Variants in LIMCH1 observed in about 807,000 individuals in gnomAD.
LIMCH1 encodes the protein LIM and calponin homology domains 1, also known as LIM and calponin homology domains-containing protein 1.
In LIMCH1, 113 loss-of-function variants were observed where a neutral mutation model predicts 176.5. The observed-to-expected ratio is 0.64, with a 90% confidence interval of 0.55 to 0.75. The LOEUF (loss-of-function observed/expected upper bound fraction) is 0.75. LIMCH1 is among the 30% of genes least tolerant of loss of function. LIMCH1 has a pLI of 0.00. For synonymous variants in LIMCH1, 619 were observed against 645.9 expected (o/e 0.96, Z 0.63); for missense variants, 1,674 against 1,814.9 (o/e 0.92, Z 1.41).
At chr4:41,374,386 A>G (rs1378710070) in intron 1 of LIMCH1, among the ~76,000 whole-genome samples, 1 of 152,116 alleles carries the variant, frequency 6.6e-6, no homozygotes, top group Admixed American at 6.5e-5. Flanking sequence ...CAAACCCCAC[A>G]TTCTAATGCA....
At position 41,508,965 on chromosome 4, in the gene LIMCH1, C is replaced by T. The variant is rs1402835197; in HGVS notation, c.167+14359C>T. Among the ~76,000 whole-genome samples, 3 of 152,272 alleles carry T rather than the reference C, an allele frequency of 2.0e-5. No individual in the cohort carries two copies. The South Asian group carries it at 6.2e-4, about 32-fold the overall frequency. The stretch of plus-strand genomic sequence containing the variant: ...CATTCCAACAGCTATTGTTAGAGAC[C>T]TTGTGTAATATAAAGTACACATGCA... On this transcript the variant is annotated intron_variant, in intron 2 of 26. Coordinates refer to the LIMCH1 transcript ENST00000313860.
intron 1 of LIMCH1, among the ~76,000 whole-genome samples, chr4:41,422,294 T>C (rs2154131586): frequency 6.6e-6 from 1 of 152,188 alleles, no homozygotes; most frequent in East Asian, 1.9e-4. Flanking sequence ...TTCAAGCGAT[T>C]CTTGTGCCTC....
Position 41,629,864 on chromosome 4 carries a change from G to A in LIMCH1, c.1271+130G>A, listed in dbSNP as rs2093215783. The A allele has an allele frequency of 9.1e-6, 10 of 1,097,810 alleles. No homozygotes were observed. The South Asian group carries it at 1.3e-4, about 15-fold the overall frequency. 68.0% of individuals were successfully genotyped at this position (1,097,810 alleles called of 1,614,324 possible). ...GCTCTGTTGCCCAGGCTGGAATATA[G>A]TGGCTTGATCACAGTTCACTGTACC... On this transcript the variant is annotated intron_variant, in intron 9 of 31. Transcript: ENST00000503057.
intron 1 of LIMCH1, among the ~76,000 whole-genome samples, chr4:41,365,227 A>G (rs894641317): frequency 1.3e-5 from 2 of 152,178 alleles, no homozygotes; most frequent in Admixed American, 6.5e-5. Context: ...GATGAATACA[A>G]TCTTATTTGT....
chr4:41,406,393 G>A (rs1462194659), intron 1 of LIMCH1, among the ~76,000 whole-genome samples: 4 of 152,118 alleles, frequency 2.6e-5, no homozygotes, highest in Non-Finnish European at 5.9e-5. Context: ...TCAGAAGCTT[G>A]ACTTTTACCT....
At chr4:41,622,771 T>C (rs1049305075) in intron 7 of LIMCH1, among the ~76,000 whole-genome samples, 1 of 152,268 alleles carries the variant, frequency 6.6e-6, no homozygotes, top group African/African-American at 2.4e-5. Context: ...TCATGTTTCC[T>C]GTTATTTGGC....
At chr4:41,654,786 AG>A (rs2094417279) in intron 18 of LIMCH1, among the ~76,000 whole-genome samples, 2 of 152,150 alleles carry the variant, frequency 1.3e-5, no homozygotes, top group Admixed American at 1.3e-4. Flanking sequence ...AGAGGTGATG[AG>A]GGTGCTGTAT....
At chr4:41,412,735 G>T (rs2059602409) in intron 1 of LIMCH1, among the ~76,000 whole-genome samples, 1 of 152,144 alleles carries the variant, frequency 6.6e-6, no homozygotes, top group African/African-American at 2.4e-5. Context: ...TGAGGACAGA[G>T]CTGGGATTGA....
intron 29 of LIMCH1, among the ~76,000 whole-genome samples, 195 bp downstream of exon 29, chr4:41,688,112 A>G (rs563523953): frequency 6.6e-6 from 1 of 152,356 alleles, no homozygotes; most frequent in African/African-American, 2.4e-5. Flanking sequence ...CTGCAATAGA[A>G]AAAGTCAGGC....
At chr4:41,488,222 G>C (rs1305148128) in intron 1 of LIMCH1, among the ~76,000 whole-genome samples, 1 of 152,132 alleles carries the variant, frequency 6.6e-6, no homozygotes, top group African/African-American at 2.4e-5. Context: ...AAATGTTTTA[G>C]AACCTTTCCA....
chr4:41,388,521 T>C (rs917677363), intron 1 of LIMCH1, among the ~76,000 whole-genome samples: 1 of 152,240 alleles, frequency 6.6e-6, no homozygotes, highest in African/African-American at 2.4e-5. Context: ...CTATTGGGGA[T>C]GTTGGAAATA....
intron 21 of LIMCH1, among the ~76,000 whole-genome samples, chr4:41,669,310 G>A (rs533019986): frequency 1.3e-5 from 2 of 152,322 alleles, no homozygotes; most frequent in South Asian, 4.1e-4. Flanking sequence ...CATTCATAAT[G>A]TATTCTAGTA....
At chr4:41,566,751 A>C (rs1220957238) in intron 1 of LIMCH1, among the ~76,000 whole-genome samples, 5 of 152,230 alleles carry the variant, frequency 3.3e-5, no homozygotes, top group Non-Finnish European at 7.3e-5. Context: ...CTCATCATAC[A>C]CTTTATACAA....
chr4:41,692,809 C>A, intron 31 of LIMCH1: 1 of 162,378 alleles, frequency 6.2e-6, no homozygotes, highest in Non-Finnish European at 1.3e-5. Context: ...TCTCCACGCC[C>A]TACATTCAGG....
chr4:41,372,363 C>G (rs2054101756), intron 1 of LIMCH1, among the ~76,000 whole-genome samples: 1 of 152,084 alleles, frequency 6.6e-6, no homozygotes, highest in African/African-American at 2.4e-5. Flanking sequence ...TTTCCACAAG[C>G]CCTGTTATTT....
chr4:41,360,898 C>A lies in LIMCH1; in HGVS notation c.58C>A (p.Pro20Thr), dbSNP rs1340199808. ...TCAGCCCCTGCAGCCCGAGCCGCCC[C>A]CCGAGCCCGCCTTCTCCGAGGCGCA... The change falls in exon 1 of 27, where the codon CCC (proline) becomes ACC (threonine). Residue 20 changes from proline to threonine, a missense_variant. By Grantham distance (38) the Pro-to-Thr change is conservative. Coordinates refer to the LIMCH1 transcript ENST00000313860. The surrounding 1 kb of genome is among the most constrained non-coding windows in gnomAD (Gnocchi z 4.5). 7 of 1,589,118 alleles carry A rather than the reference C, an allele frequency of 4.4e-6. No individual in the cohort carries two copies. Among genetic ancestry groups the A allele is most frequent in the Non-Finnish European group, 4.3e-6 (5 of 1,171,106 alleles).
Position 41,620,521 on chromosome 4 carries a change from G to C in LIMCH1, c.556G>C (p.Gly186Arg), listed in dbSNP as rs750801177. Reference protein sequence around the residue: ...QMNPGWKPSDGGCELPDGSGK... With the variant: ...QMNPGWKPSDRGCELPDGSGK... Reference sequence around the variant, plus strand: ...GAATCCTGGTTGGAAGCCTTCCGATGGTGGGTGTGAATTACCTGACGGCAG... The same window carrying C: ...GAATCCTGGTTGGAAGCCTTCCGATCGTGGGTGTGAATTACCTGACGGCAG... Residue 186 changes from glycine (G) to arginine (R), a missense_variant, in exon 7 of 32, where the codon GGT becomes CGT. This residue lies in a region of LIMCH1 where 655 missense variants were observed against 692.2 expected (regional missense o/e 0.95). Transcript: ENST00000503057. 6.5e-7 allele frequency: 1 copy of C among 1,536,424 alleles called. No individual in the cohort carries two copies. The highest frequency in any genetic ancestry group is 1.2e-5 in the South Asian group (1 of 84,062).
At chr4:41,578,308 C>G (rs1407180235) in intron 1 of LIMCH1, among the ~76,000 whole-genome samples, 1 of 152,180 alleles carries the variant, frequency 6.6e-6, no homozygotes, top group Non-Finnish European at 1.5e-5. Flanking sequence ...TGAGAACTCT[C>G]TCATTATCAT....
chr4:41,584,102 G>T (rs982183130), intron 1 of LIMCH1, among the ~76,000 whole-genome samples: 1 of 152,088 alleles, frequency 6.6e-6, no homozygotes, highest in East Asian at 1.9e-4. Flanking sequence ...TCATCCACAT[G>T]CCTGACCTGG....
Sources: gnomAD v4.1 joint callset for allele counts (sites outside exome capture counted in the v4.1 genomes callset) on GRCh38, gnomAD v4.1.1 for gene constraint, gnomAD v4.1.1 regional missense constraint, Gnocchi (gnomAD v3.1) non-coding constraint, MANE v1.5 for transcripts, NCBI Gene and HGNC (gene_info 2026-07-23, HGNC 2026-07-21) for gene names.